Variants in ZFYVE21 observed in about 807,000 individuals in gnomAD.
ZFYVE21 encodes the protein zinc finger FYVE-type containing 21.
Under a neutral mutation model 29.5 loss-of-function variants are expected in ZFYVE21, and 21 were observed. The ratio of observed to expected loss-of-function variants is 0.71; its 90% CI spans 0.50 to 1.02. The LOEUF is 1.02. Ranked by LOEUF, ZFYVE21 falls within the 50% of genes least tolerant of loss-of-function variation. The pLI is 0.00. For missense variants in ZFYVE21, 326 were observed against 335.4 expected (o/e 0.97, Z 0.22); for synonymous variants, 151 against 133.8 (o/e 1.13, Z -0.89).
chr14:103,733,243 A>G lies in ZFYVE21; in HGVS notation c.*225A>G. ...CATGTTTTAGAATTTGTGTATTGTCAATACTTAATTGGGGGTGGGAGAGAC... is the reference window on the plus strand; with the variant it reads ...CATGTTTTAGAATTTGTGTATTGTCGATACTTAATTGGGGGTGGGAGAGAC... On this transcript the variant is annotated 3_prime_UTR_variant, in exon 7 of 7. Coordinates refer to ENST00000311141, the MANE Select transcript of ZFYVE21 (RefSeq NM_024071.4). 1 of 575,648 alleles carries G rather than the reference A, an allele frequency of 1.7e-6. No individual in the cohort carries two copies. Among genetic ancestry groups the G allele is most frequent in the Non-Finnish European group, 3.0e-6 (1 of 329,854 alleles). 35.7% of individuals were successfully genotyped at this position (575,648 alleles called of 1,614,324 possible). A position where few individuals can be genotyped will look rare whatever the true frequency, so the allele number is the denominator to read the frequency against.
chr14:103,718,021 G>A (rs1347664264), intron 1 of ZFYVE21, among the ~76,000 whole-genome samples: 1 of 152,234 alleles, frequency 6.6e-6, no homozygotes, highest in Non-Finnish European at 1.5e-5. Flanking sequence ...GATGCTGAAG[G>A]GGACACTGAG....
chr14:103,727,024 C>G lies in ZFYVE21; in HGVS notation c.189+182C>G. ...GCAGTGGCTCCATCTCGGCTCACTG[C>G]AACCTCTGCCTCTCAGGTTCAAGTG... On this transcript the variant is annotated intron_variant, in intron 2 of 6. Coordinates refer to ENST00000311141, the MANE Select transcript of ZFYVE21 (RefSeq NM_024071.4). The G allele has an allele frequency of 7.0e-6, 4 of 572,670 alleles. No homozygotes were observed. The South Asian group carries it at 8.0e-5, about 11-fold the overall frequency. The allele number at this position is 572,670 out of a possible 1,614,324, so 35.5% of individuals were successfully genotyped here.
At chr14:103,730,714 C>G (rs956201033) in intron 5 of ZFYVE21, 1 of 152,524 alleles carries the variant, frequency 6.6e-6, no homozygotes, top group Non-Finnish European at 1.5e-5. Flanking sequence ...TGAAGGCAGC[C>G]AAGGGGCCGC....
intron 1 of ZFYVE21, among the ~76,000 whole-genome samples, chr14:103,717,458 A>G (rs1251806668): frequency 6.6e-6 from 1 of 152,246 alleles, no homozygotes; most frequent in African/African-American, 2.4e-5. Context: ...CCTGCTGTAC[A>G]CATGCACTGA....
At chr14:103,727,462 C>T (rs1383995438) in intron 2 of ZFYVE21, 17 of 559,842 alleles carry the variant, frequency 3.0e-5, no homozygotes, top group Non-Finnish European at 4.7e-5. Context: ...CCCCGAGGCG[C>T]GAGGGCGTCC....
intron 1 of ZFYVE21, among the ~76,000 whole-genome samples, chr14:103,721,300 A>G (rs2083870029): frequency 6.6e-6 from 1 of 152,242 alleles, no homozygotes; most frequent in Non-Finnish European, 1.5e-5. Flanking sequence ...TCCTGTAGGC[A>G]GCCAGGAGAA....
At chr14:103,727,992 G>A in intron 3 of ZFYVE21, 78 bp downstream of exon 3, 1 of 1,458,800 alleles carries the variant, frequency 6.9e-7, no homozygotes. Context: ...TGTGGGCTGT[G>A]CACGGGGCGT....
rs1019658008 is a variant in ZFYVE21 at position 103,727,734 on chromosome 14, G to A, written c.190-12G>A. 3 of 1,602,230 alleles carry A rather than the reference G, an allele frequency of 1.9e-6. No individual in the cohort carries two copies. Among genetic ancestry groups the A allele is most frequent in the African/African-American group, 2.7e-5 (2 of 74,848 alleles). On this transcript the variant is annotated splice_polypyrimidine_tract_variant and intron_variant, in intron 2 of 6. Coordinates refer to ENST00000311141, the MANE Select transcript of ZFYVE21 (RefSeq NM_024071.4). ...GCCCCTCCTCACTGCCAATCCTCCC[G>A]CATCTGCCCAGCACCACTGTCGCCG...
Position 103,727,900 on chromosome 14 carries a change from A to C in ZFYVE21, c.344A>C (p.Lys115Thr). The change falls in exon 3 of 7, where the codon AAA becomes ACA. Residue 115 changes from lysine (K) to threonine (T), a missense_variant. Transcript: ENST00000311141. ...GCGGAGTTCTACGACAAGCAGCTCA[A>C]AGTGCTCCTGAGCGGTAAGGACGGG... ...KEAEFYDKQL[K>T]VLLSGATFLV... 2 of 1,612,402 alleles carry C rather than the reference A, an allele frequency of 1.2e-6. No homozygotes were observed. Among genetic ancestry groups the C allele is most frequent in the Non-Finnish European group, 1.7e-6 (2 of 1,179,330 alleles).
intron 6 of ZFYVE21, 51 bp from the exon 7 acceptor site, chr14:103,732,932 C>G: frequency 6.2e-7 from 1 of 1,613,726 alleles, no homozygotes; most frequent in Non-Finnish European, 8.5e-7. Context: ...TTGGCTCCAC[C>G]AGGCACAGGA....
rs758255680 is a variant in ZFYVE21 at position 103,726,855 on chromosome 14, C to G, written c.189+13C>G. On this transcript the variant is annotated intron_variant, in intron 2 of 6. Transcript: ENST00000311141. Reference sequence around the variant, plus strand: ...TCTCACCAGAAAGGTGAGCTGAGGCCGCTGAGTGGGGGTGGTGGGAAGAGG... The same window carrying G: ...TCTCACCAGAAAGGTGAGCTGAGGCGGCTGAGTGGGGGTGGTGGGAAGAGG... The G allele has an allele frequency of 1.2e-6, 2 of 1,613,384 alleles. No individual in the cohort carries two copies.
chr14:103,729,365 C>T (rs2151952885), intron 5 of ZFYVE21, 183 bp downstream of exon 5: 3 of 618,112 alleles, frequency 4.9e-6, no homozygotes, highest in Non-Finnish European at 5.6e-6. Context: ...TAGAACTCGC[C>T]AGGTGAGTGG....
At chr14:103,726,215 C>G (rs1474206035) in intron 1 of ZFYVE21, 1 of 152,362 alleles carries the variant, frequency 6.6e-6, no homozygotes, top group East Asian at 1.9e-4. Flanking sequence ...GGCACGCACG[C>G]CAGGACTCCA....
intron 5 of ZFYVE21, chr14:103,730,001 G>A: frequency 1.2e-6 from 1 of 815,824 alleles, no homozygotes; most frequent in Non-Finnish European, 1.9e-6. Flanking sequence ...TGTTGGATCT[G>A]ATAAGTGGGT....
intron 2 of ZFYVE21, 172 bp from the exon 3 acceptor site, chr14:103,727,574 G>C (rs2083939373): frequency 1.0e-5 from 8 of 800,352 alleles, no homozygotes; most frequent in Non-Finnish European, 1.7e-5. Context: ...GCGGATCCCC[G>C]CTGCGTGGTG....
Position 103,732,620 on chromosome 14 carries a change from G to A in ZFYVE21, c.527G>A (p.Gly176Glu). The A allele has an allele frequency of 6.4e-7, 1 of 1,569,166 alleles. No individual in the cohort carries two copies. The highest frequency in any genetic ancestry group is 1.2e-5 in the South Asian group (1 of 84,794). The change falls in exon 6 of 7, where the codon GGA (glycine) becomes GAA (glutamate). Residue 176 changes from glycine (G) to glutamate (E), a missense_variant and splice_region_variant. Transcript: ENST00000311141. ...GTCTTACCTCGTCTCTCTCCTCCAG[G>A]AGGCAACGCACGGGCCACAGGCATG... Reference protein sequence around the residue: ...QILTEGFPPGGGNARATGMFL... With the variant: ...QILTEGFPPGEGNARATGMFL...
In ZFYVE21 at chr14:103,716,924, AAG is replaced by A. The variant is rs1367820699; in HGVS notation, c.138+947_138+948del. ...GATAAAAAAAAAATTGGGGGAGAAA[AAG>A]AATTTTTGTAATATGACTTTCATAC... On this transcript the variant is annotated intron_variant, in intron 1 of 6. Coordinates refer to ENST00000311141, the MANE Select transcript of ZFYVE21 (RefSeq NM_024071.4). This position sits in a 1 kb window ranked among gnomAD's most constrained non-coding sequence, Gnocchi z 4.8. 6.6e-6 allele frequency among the ~76,000 whole-genome samples: 1 copy of A among 152,202 alleles called. No individual in the cohort carries two copies. Among genetic ancestry groups the A allele is most frequent in the Non-Finnish European group, 1.5e-5 (1 of 68,040 alleles).
chr14:103,730,719 G>C (rs1236621231), intron 5 of ZFYVE21: 2 of 152,538 alleles, frequency 1.3e-5, no homozygotes, highest in Non-Finnish European at 2.9e-5. Context: ...GCAGCCAAGG[G>C]GCCGCCTGCC....
chr14:103,716,339 C>T lies in ZFYVE21; in HGVS notation c.138+360C>T, dbSNP rs890338309. Among the ~76,000 whole-genome samples the T allele has an allele frequency of 2.0e-5, 3 of 152,160 alleles. No individual in the cohort carries two copies. Among genetic ancestry groups the T allele is most frequent in the Admixed American group, 6.5e-5 (1 of 15,290 alleles). ...GGGCTAGCGCGTGTGGACTGCGTCC[C>T]GAGAGCTGGGGCTCGCTCCCGAGAA... On this transcript the variant is annotated intron_variant, in intron 1 of 6. Transcript: ENST00000311141. This position sits in a 1 kb window ranked among gnomAD's most constrained non-coding sequence, Gnocchi z 4.8.
Sources: gnomAD v4.1 joint callset for allele counts (sites outside exome capture counted in the v4.1 genomes callset) on GRCh38, gnomAD v4.1.1 for gene constraint, Gnocchi (gnomAD v3.1) non-coding constraint, MANE v1.5 for transcripts, NCBI Gene and HGNC (gene_info 2026-07-23, HGNC 2026-07-21) for gene names.